DNAH3: variants seen among roughly 807,000 people sequenced by gnomAD.
DNAH3 encodes dynein axonemal heavy chain 3, also known as axonemal beta dynein heavy chain 3.
DNAH3 carries 332 observed loss-of-function variants against 432.5 expected under a neutral mutation model. That is an observed-to-expected ratio of 0.77 (90% CI 0.70 to 0.84). The LOEUF (loss-of-function observed/expected upper bound fraction) is 0.84, where lower values mean the gene tolerates loss of function less well. DNAH3 is among the 40% of genes least tolerant of loss of function. The pLI is 0.00. For missense variants in DNAH3, 4,861 were observed against 5,114.0 expected (o/e 0.95, Z 1.51); for synonymous variants, 1,956 against 1,900.2 (o/e 1.03, Z -0.76).
chr16:20,945,397 T>C (rs1039226829), intron 57 of DNAH3, among the ~76,000 whole-genome samples: 7 of 152,162 alleles, frequency 4.6e-5, no homozygotes, highest in African/African-American at 1.7e-4. Context: ...ATCCACCCCT[T>C]GTTTAGCATA....
chr16:20,937,638 C>G (rs1044347979), intron 59 of DNAH3, among the ~76,000 whole-genome samples: 2 of 151,014 alleles, frequency 1.3e-5, no homozygotes, highest in African/African-American at 4.9e-5. Context: ...AAGGAATCCT[C>G]CCACCTCAGT....
At chr16:21,022,505 A>G (rs2088293467) in intron 39 of DNAH3, among the ~76,000 whole-genome samples, 1 of 151,986 alleles carries the variant, frequency 6.6e-6, no homozygotes, top group Non-Finnish European at 1.5e-5. Context: ...GTGAGGTGGG[A>G]CTCCTGTATA....
chr16:20,969,692 G>T, intron 52 of DNAH3, 100 bp downstream of exon 52: 1 of 1,306,812 alleles, frequency 7.7e-7, no homozygotes, highest in Non-Finnish European at 1.1e-6. Flanking sequence ...CAGTGATCTT[G>T]CCTGCACGCC....
chr16:20,959,648 CACA>C (rs2084730029), intron 53 of DNAH3, among the ~76,000 whole-genome samples: 1 of 150,846 alleles, frequency 6.6e-6, no homozygotes, highest in South Asian at 2.1e-4. Context: ...CACACACACA[CACA>C]CACACCCCAA....
chr16:20,949,630 A>C (rs2084221660), intron 56 of DNAH3, among the ~76,000 whole-genome samples: 1 of 152,204 alleles, frequency 6.6e-6, no homozygotes, highest in Non-Finnish European at 1.5e-5. Flanking sequence ...GTATATGTTG[A>C]GATGGTGGCA....
intron 25 of DNAH3, among the ~76,000 whole-genome samples, 170 bp from the exon 26 acceptor site, chr16:21,060,526 C>CTTT (rs375746116): frequency 5.4e-5 from 5 of 93,418 alleles, no homozygotes; most frequent in Non-Finnish European, 1.0e-4. Context: ...TTTTTTTTTT[C>CTTT]TTTTTTTTTT....
intron 56 of DNAH3, among the ~76,000 whole-genome samples, chr16:20,951,347 T>C (rs1422382365): frequency 1.3e-5 from 2 of 152,138 alleles, no homozygotes; most frequent in Admixed American, 6.6e-5. Flanking sequence ...TTTAAGAAGT[T>C]TGCCACGATC....
intron 1 of DNAH3, chr16:21,159,266 C>G (rs558071352): frequency 2.8e-6 from 4 of 1,412,650 alleles, no homozygotes; most frequent in Non-Finnish European, 4.0e-6. Context: ...TACTCGACTC[C>G]CCTCTGAGTT....
At chr16:20,989,986 G>A (rs1404651237) in intron 44 of DNAH3, among the ~76,000 whole-genome samples, 1 of 152,208 alleles carries the variant, frequency 6.6e-6, no homozygotes, top group Non-Finnish European at 1.5e-5. Flanking sequence ...TGGCCTGCAA[G>A]CGCCGCGCGC....
rs562470355 is a variant in DNAH3, at chr16:21,132,957, AT to A, written c.1082+1301del. Among the ~76,000 whole-genome samples, 118 of 131,306 alleles carry A rather than the reference AT, an allele frequency of 9.0e-4. 1 individual carries two copies. Among genetic ancestry groups the A allele is most frequent in the East Asian group, 2.2e-3 (10 of 4,448 alleles). 86.1% of individuals were successfully genotyped at this position (131,306 alleles called of 152,430 possible). ...CTTCTGTCTCATCTGGACTCCTACA[AT>A]TTTTTTTTTTTTGAGACGGAGTTTC... On this transcript the variant is annotated intron_variant, in intron 7 of 61. Transcript: ENST00000261383.
chr16:21,133,093 T>G (rs2092591198), intron 7 of DNAH3, among the ~76,000 whole-genome samples: 1 of 152,078 alleles, frequency 6.6e-6, no homozygotes, highest in Non-Finnish European at 1.5e-5. Context: ...GGCTTACACC[T>G]GTAATCCCAG....
At chr16:21,144,653 T>C (rs1451101182) in intron 3 of DNAH3, among the ~76,000 whole-genome samples, 1 of 152,220 alleles carries the variant, frequency 6.6e-6, no homozygotes, top group Non-Finnish European at 1.5e-5. Flanking sequence ...TAACTTATCA[T>C]GCAAACAATA....
exon 62 of DNAH3, chr16:20,933,445 G>A (rs868665052): frequency 6.2e-7 from 1 of 1,613,902 alleles, no homozygotes; most frequent in African/African-American, 1.3e-5. Flanking sequence ...CTTCTAAGAA[G>A]AGCCCTTTGA....
At chr16:21,000,607 C>T (rs2086972428) in intron 42 of DNAH3, 89 bp from the exon 43 acceptor site, 3 of 1,188,430 alleles carry the variant, frequency 2.5e-6, no homozygotes, top group South Asian at 3.0e-5. Context: ...TACATTCTAG[C>T]TCCATCCCTT....
chr16:21,036,953 A>C, intron 34 of DNAH3, 105 bp from the exon 35 acceptor site: 1 of 893,448 alleles, frequency 1.1e-6, no homozygotes. Flanking sequence ...TCTTTGAAAA[A>C]TTCCAGACCT....
chr16:21,010,340 T>A (rs1433257026), intron 41 of DNAH3, among the ~76,000 whole-genome samples: 1 of 152,014 alleles, frequency 6.6e-6, no homozygotes, highest in Non-Finnish European at 1.5e-5. Context: ...CTACCCCCCC[T>A]ACCCCAGCTC....
chr16:21,001,082 G>T (rs1359914283), intron 42 of DNAH3, among the ~76,000 whole-genome samples: 1 of 152,170 alleles, frequency 6.6e-6, no homozygotes, highest in Non-Finnish European at 1.5e-5. Flanking sequence ...GCTTGTTTCT[G>T]ATCTATTTTT....
At chr16:20,964,834 C>T (rs200190285) in exon 53 of DNAH3, 471 of 1,613,890 alleles carry the variant, frequency 2.9e-4, no homozygotes, top group Non-Finnish European at 3.8e-4. Flanking sequence ...GCACTGGACC[C>T]GATAATCCAC....
intron 9 of DNAH3, among the ~76,000 whole-genome samples, chr16:21,124,219 A>G (rs1353878742): frequency 6.6e-6 from 1 of 152,226 alleles, no homozygotes; most frequent in Non-Finnish European, 1.5e-5. Flanking sequence ...ACCCATATCT[A>G]CAATGAAACC....
Sources: gnomAD v4.1 joint callset for allele counts (sites outside exome capture counted in the v4.1 genomes callset) on GRCh38, gnomAD v4.1.1 for gene constraint, MANE v1.5 for transcripts, NCBI Gene and HGNC (gene_info 2026-07-23, HGNC 2026-07-21) for gene names.